Variants in SNX30 observed in about 807,000 individuals in gnomAD.
SNX30 encodes sorting nexin family member 30.
Under a neutral mutation model 46.4 loss-of-function variants are expected in SNX30, and 24 were observed. The ratio of observed to expected loss-of-function variants is 0.52; its 90% CI spans 0.37 to 0.73. SNX30 has a LOEUF of 0.73. Among genes scored for constraint, SNX30 ranks in the 30% least tolerant of loss-of-function variants. The pLI is 0.00. For missense variants in SNX30, 533 were observed against 555.7 expected (o/e 0.96, Z 0.41); for synonymous variants, 189 against 211.5 (o/e 0.89, Z 0.92).
intron 3 of SNX30, among the ~76,000 whole-genome samples, chr9:112,829,685 T>C (rs954537165): frequency 6.6e-6 from 1 of 152,256 alleles, no homozygotes; most frequent in African/African-American, 2.4e-5. Flanking sequence ...TTTTCCACAG[T>C]GGCTGCACAT....
intron 4 of SNX30, among the ~76,000 whole-genome samples, chr9:112,834,843 A>AAC (rs79118828): frequency 0.047 from 3,694 of 78,314 alleles, 103 homozygotes; most frequent in African/African-American, 0.1. Flanking sequence ...CACACACACA[A>AAC]ACACACACAC....
chr9:112,795,351 T>C (rs139248159), intron 1 of SNX30, among the ~76,000 whole-genome samples: 76 of 152,340 alleles, frequency 5.0e-4, no homozygotes, highest in Non-Finnish European at 9.0e-4. Flanking sequence ...TAGTAATTAG[T>C]GGTACTGGGA....
At chr9:112,879,168 A>T (rs1841548530), downstream of SNX30, 1 of 152,260 alleles carries the variant, frequency 6.6e-6, no homozygotes, top group African/African-American at 2.4e-5. Flanking sequence ...CCTGAGCTCC[A>T]TCCCCCTCCT....
chr9:112,767,800 A>G (rs111865789), intron 1 of SNX30, among the ~76,000 whole-genome samples: 4 of 152,070 alleles, frequency 2.6e-5, no homozygotes, highest in African/African-American at 7.2e-5. Context: ...GGGTTTCCCT[A>G]TGTTGTCCAT....
intron 1 of SNX30, among the ~76,000 whole-genome samples, chr9:112,761,878 C>A (rs767987243): frequency 2.0e-5 from 3 of 150,752 alleles, no homozygotes; most frequent in Non-Finnish European, 4.4e-5. Context: ...CCAGTAGATC[C>A]AAATAGAGAC....
Position 112,804,921 on chromosome 9 carries a change from A to G in SNX30, c.302A>G (p.His101Arg). 6.2e-7 allele frequency: 1 copy of G among 1,613,758 alleles called. No homozygotes were observed. The highest frequency in any genetic ancestry group is 1.1e-5 in the South Asian group (1 of 91,022). Residue 101 changes from histidine to arginine, a missense_variant, in exon 2 of 9, where the codon CAT becomes CGT. His to Arg is a conservative substitution (Grantham distance 29). Around this residue, in one of 3 missense-constraint regions of SNX30, gnomAD observed 191 missense variants for 160.3 expected, o/e 1.19. Transcript: ENST00000374232. ...LFVIVDDPKK[H>R]VCTMETYITY... is the part of the protein sequence containing the mutation. ...GTTATAGTTGATGATCCCAAGAAGC[A>G]TGTGTGTACAATGGAGACTTACATC...
At chr9:112,845,869 G>A (rs992722036) in intron 6 of SNX30, among the ~76,000 whole-genome samples, 1 of 152,154 alleles carries the variant, frequency 6.6e-6, no homozygotes, top group Admixed American at 6.5e-5. Flanking sequence ...CACCAGATAT[G>A]TAAGGGAAGA....
At chr9:112,784,762 C>T (rs891215098) in intron 1 of SNX30, among the ~76,000 whole-genome samples, 6 of 152,150 alleles carry the variant, frequency 3.9e-5, no homozygotes, top group Non-Finnish European at 7.3e-5. Context: ...AATCTAAACC[C>T]GGGTCTCTTG....
At chr9:112,876,663 G>A (rs1473800217), downstream of SNX30, among the ~76,000 whole-genome samples, 2 of 151,760 alleles carry the variant, frequency 1.3e-5, no homozygotes, top group Non-Finnish European at 2.9e-5. Flanking sequence ...CAGGCAGGGT[G>A]CAATGGCTCA....
In SNX30 at chr9:112,836,396, C is replaced by T. The variant is rs1840752212; in HGVS notation, c.801C>T (p.Ile267=). The T allele has an allele frequency of 6.3e-7, 1 of 1,592,176 alleles. No individual in the cohort carries two copies. Among genetic ancestry groups the T allele is most frequent in the Non-Finnish European group, 8.6e-7 (1 of 1,161,424 alleles). Reference sequence around the variant, plus strand: ...TTGATCGAATAGCCCAGCGGATCATCAAAGAAGAAATAGGTGAGCTGTCTG... The same window carrying T: ...TTGATCGAATAGCCCAGCGGATCATTAAAGAAGAAATAGGTGAGCTGTCTG... ...GTIDRIAQRI[I]KEEIEYLVEL... The change falls in exon 5 of 9, where the codon ATC becomes ATT. Residue 267 remains isoleucine, a synonymous_variant. Transcript: ENST00000374232.
intron 1 of SNX30, among the ~76,000 whole-genome samples, chr9:112,781,897 C>T (rs1239942849): frequency 1.3e-5 from 2 of 151,800 alleles, no homozygotes; most frequent in Non-Finnish European, 2.9e-5. Flanking sequence ...CCGCCTTATC[C>T]TCCCAAAGTG....
rs187795240 is a variant in SNX30 at position 112,867,739 on chromosome 9, C to T, written c.1255-1045C>T. On this transcript the variant is annotated intron_variant, in intron 8 of 8. Transcript: ENST00000374232. ...CCCACCCCCTCAGAACTCCTCCCCA[C>T]CTCTTCAGAACCTCTCCCCACCTCC... Among the ~76,000 whole-genome samples the T allele has an allele frequency of 6.2e-3, 921 of 148,500 alleles. 8 individuals carry two copies. The highest frequency in any genetic ancestry group is 0.01 in the Non-Finnish European group (687 of 67,020).
chr9:112,865,652 T>TA, intron 8 of SNX30, among the ~76,000 whole-genome samples: 1 of 131,668 alleles, frequency 7.6e-6, no homozygotes, highest in Non-Finnish European at 1.6e-5. Context: ...TATATATATA[T>TA]ATATATATAT....
chr9:112,763,616 C>T (rs997215823), intron 1 of SNX30, among the ~76,000 whole-genome samples: 2 of 151,360 alleles, frequency 1.3e-5, no homozygotes, highest in East Asian at 1.9e-4. Flanking sequence ...TTTGGGAGGC[C>T]GAGGAGGGTG....
chr9:112,817,383 G>GA (rs67091600), intron 2 of SNX30, among the ~76,000 whole-genome samples: 9 of 93,024 alleles, frequency 9.7e-5, no homozygotes, highest in Non-Finnish European at 1.7e-4. Flanking sequence ...TGACGGTAGG[G>GA]AAAAAAAAAA....
chr9:112,859,381 A>G (rs1368717190), intron 7 of SNX30, among the ~76,000 whole-genome samples: 1 of 152,122 alleles, frequency 6.6e-6, no homozygotes. Context: ...TGTTGCTTTC[A>G]TCTTTGGGCT....
chr9:112,849,044 G>A (rs1263924498), intron 6 of SNX30, among the ~76,000 whole-genome samples: 1 of 152,168 alleles, frequency 6.6e-6, no homozygotes, highest in African/African-American at 2.4e-5. Context: ...TCCTAGAAGC[G>A]CTAGTCTGGA....
Position 112,868,919 on chromosome 9 carries a change from A to C in SNX30, c.*76A>C. ...TATACCGGAATGTCCCTGCAGTGCCAGAGACGCAGTGCTGGGAAAACAACC... is the reference window on the plus strand; with the variant it reads ...TATACCGGAATGTCCCTGCAGTGCCCGAGACGCAGTGCTGGGAAAACAACC... On this transcript the variant is annotated 3_prime_UTR_variant, in exon 9 of 9. Transcript: ENST00000374232. 3 of 1,409,646 alleles carry C rather than the reference A, an allele frequency of 2.1e-6. No homozygotes were observed. The highest frequency in any genetic ancestry group is 2.0e-4 in the Middle Eastern group (1 of 5,088). 87.3% of individuals were successfully genotyped at this position (1,409,646 alleles called of 1,614,324 possible).
rs1554748345 is a variant in SNX30, at chr9:112,768,647, C to CTTCTTCTTCT, written c.156+17492_156+17493insCTTCTTCTTT. On this transcript the variant is annotated intron_variant, in intron 1 of 8. Coordinates refer to ENST00000374232, the MANE Select transcript of SNX30 (RefSeq NM_001012994.2). ...AAGTTTCTCTAGATAATTCTTTCTT[C>CTTCTTCTTCT]TTTTTTTTTTTTTTTTTTTTTTTTT... Among the ~76,000 whole-genome samples, 121 of 64,362 alleles carry CTTCTTCTTCT rather than the reference C, an allele frequency of 1.9e-3. 13 individuals are homozygous for CTTCTTCTTCT. Among genetic ancestry groups the CTTCTTCTTCT allele is most frequent in the Middle Eastern group, 0.015 (2 of 134 alleles). The allele number at this position is 64,362 out of a possible 152,430, so 42.2% of individuals were successfully genotyped here.
Sources: allele counts gnomAD v4.1 joint callset (sites outside exome capture counted in the v4.1 genomes callset), GRCh38; gene constraint gnomAD v4.1.1; regional missense constraint gnomAD v4.1.1; transcripts MANE v1.5; gene names NCBI Gene and HGNC (gene_info 2026-07-23, HGNC 2026-07-21).